Variants in ASIC2 observed in about 807,000 individuals in gnomAD.
ASIC2 encodes acid-sensing ion channel 2.
In ASIC2, 25 loss-of-function variants were observed where a neutral mutation model predicts 57.3. The observed-to-expected ratio is 0.44, with a 90% CI of 0.32 to 0.61. The LOEUF (loss-of-function observed/expected upper bound fraction) is 0.61, where lower values mean the gene tolerates loss of function less well. Ranked by LOEUF, ASIC2 falls within the 20% of genes least tolerant of loss-of-function variation. The probability of loss-of-function intolerance (pLI) is 0.06; values close to 1 mark genes in which losing one functional copy is unlikely to be tolerated. For missense variants in ASIC2, 641 were observed against 738.1 expected (o/e 0.87, Z 1.52); for synonymous variants, 319 against 307.5 (o/e 1.04, Z -0.39).
intron 1 of ASIC2, among the ~76,000 whole-genome samples, chr17:33,599,118 AG>A (rs1360268506): frequency 2.0e-5 from 3 of 152,224 alleles, no homozygotes; most frequent in African/African-American, 7.2e-5. Flanking sequence ...TTTACTTCAC[AG>A]GGTTGTGAAG....
chr17:34,151,367 G>A (rs931186240), intron 1 of ASIC2, among the ~76,000 whole-genome samples: 1 of 152,120 alleles, frequency 6.6e-6, no homozygotes, highest in Non-Finnish European at 1.5e-5. Flanking sequence ...AAGGCTTTAG[G>A]CTATTTTTAT....
intron 1 of ASIC2, among the ~76,000 whole-genome samples, chr17:33,912,018 T>C (rs1915477465): frequency 6.6e-6 from 1 of 151,294 alleles, no homozygotes; most frequent in African/African-American, 2.4e-5. Flanking sequence ...TGTATGCCTG[T>C]AATCTCAGCT....
chr17:33,125,324 G>T (rs2092319065), intron 1 of ASIC2, among the ~76,000 whole-genome samples: 1 of 152,202 alleles, frequency 6.6e-6, no homozygotes, highest in Non-Finnish European at 1.5e-5. Context: ...GCATGAGTTT[G>T]CCACTTACTA....
intron 1 of ASIC2, among the ~76,000 whole-genome samples, chr17:33,553,386 T>TTAAA (rs3032153): frequency 0.57 from 85,663 of 151,522 alleles, 25,337 homozygotes; most frequent in African/African-American, 0.75. Flanking sequence ...GTGTCACAAC[T>TTAAA]TAAAGGGGTA....
chr17:33,625,654 A>G (rs1041830381), intron 1 of ASIC2, among the ~76,000 whole-genome samples: 1 of 152,220 alleles, frequency 6.6e-6, no homozygotes, highest in Admixed American at 6.5e-5. Context: ...AATATCCCTA[A>G]ACATCAAAGA....
chr17:33,137,791 T>C (rs1454563924), intron 1 of ASIC2, among the ~76,000 whole-genome samples: 2 of 152,194 alleles, frequency 1.3e-5, no homozygotes, highest in Admixed American at 6.5e-5. Flanking sequence ...ACTGAAAGCA[T>C]CTGCTGCAAG....
At chr17:34,113,307 T>C (rs1006867421) in intron 1 of ASIC2, among the ~76,000 whole-genome samples, 29 of 152,154 alleles carry the variant, frequency 1.9e-4, no homozygotes, top group Admixed American at 6.5e-5. Context: ...ATGCCTGTAA[T>C]CCTAGAACTT....
chr17:33,892,649 C>T lies in ASIC2; in HGVS notation c.555+263329G>A, dbSNP rs141525124. ...CTGGACTGTAGGCACATGGGGCATC[C>T]TTGAGAATAAGAATAGCATTTTCCT... On this transcript the variant is annotated intron_variant, in intron 1 of 9. Coordinates refer to the ASIC2 transcript ENST00000359872. Among the ~76,000 whole-genome samples, 3 of 152,282 alleles carry T rather than the reference C, an allele frequency of 2.0e-5. No homozygotes were observed. The East Asian group carries it at 5.8e-4, about 29-fold the overall frequency.
At chr17:33,803,251 A>C (rs1169871269) in intron 1 of ASIC2, among the ~76,000 whole-genome samples, 3 of 152,186 alleles carry the variant, frequency 2.0e-5, no homozygotes, top group South Asian at 2.1e-4. Context: ...GTGTGACTAA[A>C]AATTACACAT....
intron 1 of ASIC2, among the ~76,000 whole-genome samples, chr17:33,724,123 A>T (rs765732234): frequency 2.0e-5 from 3 of 152,100 alleles, no homozygotes; most frequent in Non-Finnish European, 4.4e-5. Flanking sequence ...TGATGGTTTT[A>T]TAAAGAGGAA....
chr17:34,102,341 A>C (rs1910896567), intron 1 of ASIC2, among the ~76,000 whole-genome samples: 1 of 151,948 alleles, frequency 6.6e-6, no homozygotes, highest in Admixed American at 6.6e-5. Flanking sequence ...AAAATAAATA[A>C]ATAAATAAAA....
At chr17:33,066,658 C>G (rs1031454433) in intron 3 of ASIC2, among the ~76,000 whole-genome samples, 14 of 152,104 alleles carry the variant, frequency 9.2e-5, no homozygotes, top group Non-Finnish European at 1.8e-4. Context: ...GTGACTTTAC[C>G]AAGGCCACAC....
intron 2 of ASIC2, among the ~76,000 whole-genome samples, chr17:33,091,906 T>A (rs1456972250): frequency 6.6e-6 from 1 of 152,230 alleles, no homozygotes; most frequent in Non-Finnish European, 1.5e-5. Flanking sequence ...ACTGAGGAAC[T>A]GAATTTTTCA....
chr17:34,013,890 C>T (rs1906857306), intron 1 of ASIC2, among the ~76,000 whole-genome samples: 1 of 152,170 alleles, frequency 6.6e-6, no homozygotes, highest in Non-Finnish European at 1.5e-5. Context: ...CCTCAGTGTG[C>T]CTGGCCCTGA....
At chr17:33,101,188 G>C (rs2092210770) in intron 2 of ASIC2, among the ~76,000 whole-genome samples, 1 of 152,146 alleles carries the variant, frequency 6.6e-6, no homozygotes, top group African/African-American at 2.4e-5. Flanking sequence ...AGGTTTTCCT[G>C]GGAGCAGAGA....
chr17:33,188,114 A>G (rs1425018432), intron 1 of ASIC2, among the ~76,000 whole-genome samples: 1 of 152,062 alleles, frequency 6.6e-6, no homozygotes, highest in Non-Finnish European at 1.5e-5. Flanking sequence ...CATGCTAAGG[A>G]GACAATGGAA....
chr17:33,446,203 A>G (rs1912012018), intron 1 of ASIC2, among the ~76,000 whole-genome samples: 1 of 152,008 alleles, frequency 6.6e-6, no homozygotes, highest in Admixed American at 6.6e-5. Flanking sequence ...TGAGAAAGCT[A>G]TTTTTCTTCC....
intron 1 of ASIC2, chr17:34,039,160 AAATCATCTATTC>A: frequency 6.2e-7 from 1 of 1,613,992 alleles, no homozygotes; most frequent in South Asian, 1.1e-5. Context: ...GGCTCTTAAT[AAATCATCTATTC>A]TTCCCTCCTT....
chr17:33,149,182 T>C (rs140378592), intron 1 of ASIC2, among the ~76,000 whole-genome samples: 6 of 152,332 alleles, frequency 3.9e-5, no homozygotes, highest in African/African-American at 1.4e-4. Flanking sequence ...ATTTTTGTTT[T>C]GTAGAAAAAT....
Sources: allele counts gnomAD v4.1 joint callset (sites outside exome capture counted in the v4.1 genomes callset), GRCh38; gene constraint gnomAD v4.1.1; transcripts MANE v1.5; gene names NCBI Gene and HGNC (gene_info 2026-07-23, HGNC 2026-07-21).